Variants in TAFA1 observed in about 807,000 individuals in gnomAD.
TAFA1 encodes the protein TAFA chemokine like family member 1, also known as chemokine-like protein TAFA-1.
A neutral mutation model predicts 18.5 loss-of-function variants in TAFA1; 4 were observed. That is an observed-to-expected ratio of 0.22 (90% CI 0.11 to 0.49). TAFA1 has a LOEUF of 0.49. Among genes scored for constraint, TAFA1 ranks in the 20% least tolerant of loss-of-function variants. TAFA1 has a pLI of 0.98. For synonymous variants in TAFA1, 56 were observed against 55.2 expected, an observed-to-expected ratio of 1.01 and a Z score of -0.06; for missense variants, 147 against 169.0, an observed-to-expected ratio of 0.87 and a Z score of 0.72.
chr3:68,189,822 C>A (rs1434173207), intron 2 of TAFA1, among the ~76,000 whole-genome samples: 1 of 151,912 alleles, frequency 6.6e-6, no homozygotes, highest in Non-Finnish European at 1.5e-5. Context: ...ATGCCTGGCA[C>A]AAAAGAAGCT....
At chr3:68,045,068 G>A (rs548188887) in intron 2 of TAFA1, among the ~76,000 whole-genome samples, 2 of 152,266 alleles carry the variant, frequency 1.3e-5, no homozygotes, top group East Asian at 3.9e-4. Context: ...ACAACTAGGA[G>A]TGTGCTGATC....
intron 3 of TAFA1, among the ~76,000 whole-genome samples, chr3:68,469,500 C>T (rs528009592): frequency 2.1e-4 from 32 of 152,198 alleles, no homozygotes; most frequent in African/African-American, 7.5e-4. Context: ...AGGTGAAACC[C>T]CGTCTCTACT....
chr3:68,498,150 C>T (rs1511894), intron 3 of TAFA1, among the ~76,000 whole-genome samples: 31,666 of 152,072 alleles, frequency 0.21, 3,386 homozygotes, highest in Middle Eastern at 0.24. Context: ...GTTGTATAAC[C>T]TTTTGCTTCT....
intron 2 of TAFA1, among the ~76,000 whole-genome samples, chr3:68,394,889 G>C (rs769600527): frequency 6.6e-6 from 1 of 152,108 alleles, no homozygotes; most frequent in Non-Finnish European, 1.5e-5. Context: ...TATAGGCACT[G>C]GCAAAGACTT....
chr3:68,399,141 A>T (rs1191824855), intron 2 of TAFA1, among the ~76,000 whole-genome samples: 2 of 152,180 alleles, frequency 1.3e-5, no homozygotes, highest in Admixed American at 6.6e-5. Flanking sequence ...ATAACTACGA[A>T]GTTTTACAAT....
chr3:68,479,992 G>C (rs149185915), intron 3 of TAFA1, among the ~76,000 whole-genome samples: 1 of 152,200 alleles, frequency 6.6e-6, no homozygotes, highest in African/African-American at 2.4e-5. Flanking sequence ...TCTAAGATTG[G>C]ATTCTCTCAT....
intron 3 of TAFA1, among the ~76,000 whole-genome samples, chr3:68,534,431 A>G (rs1475117917): frequency 6.6e-6 from 1 of 152,188 alleles, no homozygotes. Flanking sequence ...ATGTGTGCAC[A>G]TAATTTGTAT....
At chr3:68,480,022 G>A (rs896719173) in intron 3 of TAFA1, among the ~76,000 whole-genome samples, 1 of 152,056 alleles carries the variant, frequency 6.6e-6, no homozygotes, top group African/African-American at 2.4e-5. Flanking sequence ...GAAATACGTG[G>A]CCTAAAGCAT....
At chr3:68,296,579 A>T (rs2068211903) in intron 2 of TAFA1, among the ~76,000 whole-genome samples, 1 of 152,184 alleles carries the variant, frequency 6.6e-6, no homozygotes, top group South Asian at 2.1e-4. Context: ...TTACTCAAAA[A>T]AAAAAAAGAT....
intron 2 of TAFA1, among the ~76,000 whole-genome samples, chr3:68,183,774 A>G (rs2066235604): frequency 1.3e-5 from 2 of 152,146 alleles, no homozygotes; most frequent in African/African-American, 4.8e-5. Flanking sequence ...CATTCTATTT[A>G]GATCAGAGTC....
At chr3:68,210,942 G>A (rs751714153) in intron 2 of TAFA1, among the ~76,000 whole-genome samples, 4 of 151,960 alleles carry the variant, frequency 2.6e-5, no homozygotes, top group Non-Finnish European at 4.4e-5. Context: ...TTATGGGACT[G>A]GAAGACCCAG....
At chr3:68,217,386 G>C (rs1251085866) in intron 2 of TAFA1, among the ~76,000 whole-genome samples, 1 of 151,810 alleles carries the variant, frequency 6.6e-6, no homozygotes, top group Non-Finnish European at 1.5e-5. Context: ...TATCTGACCA[G>C]TACTTCTCAA....
intron 2 of TAFA1, among the ~76,000 whole-genome samples, chr3:68,323,649 G>C (rs979919357): frequency 6.6e-6 from 1 of 152,184 alleles, no homozygotes; most frequent in Non-Finnish European, 1.5e-5. Flanking sequence ...CCAACAGTCA[G>C]ATAGTGAACC....
At chr3:68,415,688 C>T (rs1277130314) in intron 2 of TAFA1, among the ~76,000 whole-genome samples, 3 of 151,950 alleles carry the variant, frequency 2.0e-5, no homozygotes, top group Non-Finnish European at 2.9e-5. Context: ...TATACAGACT[C>T]TACCATATGT....
chr3:68,364,010 G>C (rs1185572910), intron 2 of TAFA1, among the ~76,000 whole-genome samples: 1 of 152,168 alleles, frequency 6.6e-6, no homozygotes, highest in Non-Finnish European at 1.5e-5. Flanking sequence ...TGAGCTACTA[G>C]AGGTTAGGAA....
At chr3:68,478,908 A>C (rs1223100543) in intron 3 of TAFA1, among the ~76,000 whole-genome samples, 1 of 86,428 alleles carries the variant, frequency 1.2e-5, no homozygotes, top group Admixed American at 1.3e-4. Flanking sequence ...TTTATGTCGT[A>C]TATGTGTGTA....
intron 2 of TAFA1, among the ~76,000 whole-genome samples, chr3:68,208,651 A>AT (rs2066556064): frequency 1.3e-5 from 2 of 151,860 alleles, no homozygotes; most frequent in Admixed American, 1.3e-4. Flanking sequence ...CCTGAACAAT[A>AT]TTTTAACCTC....
chr3:68,086,882 A>G (rs939806830), intron 2 of TAFA1, among the ~76,000 whole-genome samples: 1 of 152,198 alleles, frequency 6.6e-6, no homozygotes, highest in Non-Finnish European at 1.5e-5. Context: ...TTTCCCCTTG[A>G]TCAGGACCAT....
chr3:68,013,069 A>G (rs976923054), intron 2 of TAFA1, among the ~76,000 whole-genome samples: 4 of 152,146 alleles, frequency 2.6e-5, no homozygotes, highest in Non-Finnish European at 2.9e-5. Context: ...GATTACATGC[A>G]TTGAGAAGCA....
Sources: gnomAD v4.1 joint callset for allele counts (sites outside exome capture counted in the v4.1 genomes callset) on GRCh38, gnomAD v4.1.1 for gene constraint, MANE v1.5 for transcripts, NCBI Gene and HGNC (gene_info 2026-07-23, HGNC 2026-07-21) for gene names.